ROBO2: variants seen among roughly 807,000 people sequenced by gnomAD.
ROBO2 encodes roundabout homolog 2.
Under a neutral mutation model 160.8 loss-of-function variants are expected in ROBO2, and 53 were observed. That is an observed-to-expected ratio of 0.33 (90% CI 0.26 to 0.41). The LOEUF (loss-of-function observed/expected upper bound fraction) is 0.41. Ranked by LOEUF, ROBO2 falls within the 10% of genes least tolerant of loss-of-function variation. The pLI is 1.00. For missense variants in ROBO2, 1,577 were observed against 1,722.4 expected (o/e 0.92, Z 1.49); for synonymous variants, 664 against 611.7 (o/e 1.09, Z -1.26).
At chr3:76,086,079 C>T (rs986828983) in intron 2 of ROBO2, among the ~76,000 whole-genome samples, 12 of 152,032 alleles carry the variant, frequency 7.9e-5, no homozygotes, top group South Asian at 2.1e-4. Flanking sequence ...TCTGATCTCA[C>T]GCAGCTATAA....
At chr3:77,136,587 A>G (rs2150390798) in intron 2 of ROBO2, among the ~76,000 whole-genome samples, 1 of 148,178 alleles carries the variant, frequency 6.7e-6, no homozygotes, top group South Asian at 2.1e-4. Flanking sequence ...TAATCCTCCA[A>G]CCTCAGCGTC....
intron 2 of ROBO2, among the ~76,000 whole-genome samples, chr3:76,184,456 A>C (rs771730490): frequency 1.3e-5 from 2 of 152,142 alleles, no homozygotes; most frequent in African/African-American, 2.4e-5. Context: ...AATTGACTTC[A>C]AGTCTTGATC....
chr3:77,568,080 T>G (rs2093537372), intron 12 of ROBO2, among the ~76,000 whole-genome samples: 1 of 152,022 alleles, frequency 6.6e-6, no homozygotes. Context: ...GATGAGGGAT[T>G]ACAAATACTC....
At chr3:76,788,274 GAC>G (rs910641100) in intron 2 of ROBO2, among the ~76,000 whole-genome samples, 18 of 151,384 alleles carry the variant, frequency 1.2e-4, no homozygotes, top group African/African-American at 3.9e-4. Flanking sequence ...ACCTCTACTT[GAC>G]ACAGCACATA....
At chr3:77,434,956 A>G (rs1429374689) in intron 2 of ROBO2, among the ~76,000 whole-genome samples, 2 of 152,080 alleles carry the variant, frequency 1.3e-5, no homozygotes, top group Non-Finnish European at 2.9e-5. Context: ...ATATGCTTAG[A>G]AGATTTAATA....
intron 17 of ROBO2, among the ~76,000 whole-genome samples, chr3:77,591,903 A>G (rs1001072328): frequency 2.0e-5 from 3 of 152,170 alleles, no homozygotes; most frequent in Admixed American, 6.5e-5. Context: ...CTGCACACAG[A>G]CACACAAAAT....
At chr3:76,275,807 C>T (rs1220820253) in intron 2 of ROBO2, among the ~76,000 whole-genome samples, 1 of 151,984 alleles carries the variant, frequency 6.6e-6, no homozygotes, top group East Asian at 1.9e-4. Context: ...ATGGTTTTTA[C>T]CTAATAATTC....
At chr3:77,112,866 TGCATAAAATATGTTTTGATATG>T (rs2073803920) in intron 2 of ROBO2, among the ~76,000 whole-genome samples, 1 of 152,148 alleles carries the variant, frequency 6.6e-6, no homozygotes, top group Non-Finnish European at 1.5e-5. Flanking sequence ...CCTAAAAAGT[TGCATAAAATATGTTTTGATATG>T]GCTTTGCCTT....
chr3:77,422,713 A>G (rs753407774), intron 2 of ROBO2, among the ~76,000 whole-genome samples: 18 of 152,314 alleles, frequency 1.2e-4, no homozygotes, highest in Non-Finnish European at 1.6e-4. Flanking sequence ...TTGCTTCAGC[A>G]TGCAACATTG....
intron 2 of ROBO2, among the ~76,000 whole-genome samples, chr3:77,229,681 G>C (rs1317283965): frequency 2.0e-5 from 3 of 150,580 alleles, no homozygotes; most frequent in Non-Finnish European, 4.4e-5. Context: ...AAAAAAAAGA[G>C]AGAGAATGGA....
intron 2 of ROBO2, among the ~76,000 whole-genome samples, chr3:76,493,253 G>C (rs976553323): frequency 6.7e-6 from 1 of 149,248 alleles, no homozygotes; most frequent in Non-Finnish European, 1.5e-5. Flanking sequence ...CCTGACACCT[G>C]GCACTATTTT....
intron 2 of ROBO2, among the ~76,000 whole-genome samples, chr3:76,625,994 C>G (rs2089615610): frequency 6.6e-6 from 1 of 152,084 alleles, no homozygotes; most frequent in African/African-American, 2.4e-5. Context: ...ATTGCAATAG[C>G]CCAGTGTGGG....
intron 21 of ROBO2, among the ~76,000 whole-genome samples, chr3:77,617,225 G>GAGT (rs1345165250): frequency 8.7e-6 from 1 of 114,868 alleles, no homozygotes; most frequent in African/African-American, 3.0e-5. Flanking sequence ...TTTTCCACAT[G>GAGT]AGTAAGTTTG....
intron 2 of ROBO2, among the ~76,000 whole-genome samples, chr3:76,523,114 G>C (rs2081731219): frequency 6.6e-6 from 1 of 150,894 alleles, no homozygotes; most frequent in Non-Finnish European, 1.5e-5. Flanking sequence ...CTCTAAAGAG[G>C]GCCAGCTCCA....
intron 20 of ROBO2, 143 bp downstream of exon 21, chr3:77,602,634 A>G (rs2094451000): frequency 1.0e-6 from 1 of 994,624 alleles, no homozygotes; most frequent in Non-Finnish European, 1.5e-6. Context: ...GTTTCCAGTA[A>G]CTTGAGTAAT....
chr3:77,091,291 A>G (rs553794180), intron 1 of ROBO2, among the ~76,000 whole-genome samples: 1 of 152,304 alleles, frequency 6.6e-6, no homozygotes, highest in East Asian at 1.9e-4. Context: ...CCTGAAAACA[A>G]ATGTTCTCTG....
intron 6 of ROBO2, among the ~76,000 whole-genome samples, chr3:77,524,603 C>T (rs1000990812): frequency 1.3e-5 from 2 of 151,296 alleles, no homozygotes; most frequent in African/African-American, 4.8e-5. Context: ...TTCTTTTATA[C>T]TTGAATGCTT....
At chr3:76,798,924 G>A (rs1473010451) in intron 2 of ROBO2, among the ~76,000 whole-genome samples, 1 of 147,688 alleles carries the variant, frequency 6.8e-6, no homozygotes, top group African/African-American at 2.5e-5. Flanking sequence ...AACAAACCCT[G>A]GATATAGCAG....
At chr3:76,255,176 A>T (rs1244483099) in intron 2 of ROBO2, among the ~76,000 whole-genome samples, 1 of 152,098 alleles carries the variant, frequency 6.6e-6, no homozygotes, top group Non-Finnish European at 1.5e-5. Context: ...CTGTAGCTAA[A>T]GGGAGAGGCT....
Sources: gnomAD v4.1 joint callset for allele counts (sites outside exome capture counted in the v4.1 genomes callset) on GRCh38, gnomAD v4.1.1 for gene constraint, MANE v1.5 for transcripts, NCBI Gene and HGNC (gene_info 2026-07-23, HGNC 2026-07-21) for gene names.